The following PARM1 variants were observed in gnomAD, a reference collection of about 807,000 sequenced individuals.
The protein encoded by PARM1 is prostate androgen-regulated mucin-like protein 1.
A neutral mutation model predicts 24.6 loss-of-function variants in PARM1; 14 were observed. The observed-to-expected ratio is 0.57, with a 90% CI of 0.38 to 0.89. The LOEUF is 0.89. Among genes scored for constraint, PARM1 ranks in the 40% least tolerant of loss-of-function variants. PARM1 has a pLI of 0.00. For missense variants in PARM1, 362 were observed against 380.4 expected (o/e 0.95, Z 0.40); for synonymous variants, 179 against 156.6 (o/e 1.14, Z -1.07).
intron 2 of PARM1, among the ~76,000 whole-genome samples, chr4:75,032,516 C>T (rs1410106272): frequency 1.3e-5 from 2 of 152,002 alleles, no homozygotes; most frequent in Non-Finnish European, 2.9e-5. Context: ...GATAAATCTC[C>T]AAAAATATGG....
At chr4:75,044,675 CTT>C (rs1723563437) in intron 3 of PARM1, among the ~76,000 whole-genome samples, 1 of 152,076 alleles carries the variant, frequency 6.6e-6, no homozygotes, top group Non-Finnish European at 1.5e-5. Context: ...GGGTTGAAAA[CTT>C]AAATTGAATT....
At chr4:75,013,925 C>G (rs1255317839) in intron 2 of PARM1, among the ~76,000 whole-genome samples, 1 of 152,158 alleles carries the variant, frequency 6.6e-6, no homozygotes, top group African/African-American at 2.4e-5. Context: ...GAAGACTGTA[C>G]AATTTAGGGT....
At chr4:74,974,081 A>T (rs2109767224) in intron 1 of PARM1, among the ~76,000 whole-genome samples, 1 of 152,320 alleles carries the variant, frequency 6.6e-6, no homozygotes, top group East Asian at 1.9e-4. Context: ...GGACCAGAGA[A>T]GATGAGGTGA....
At chr4:74,940,813 G>T (rs970901207) in intron 1 of PARM1, among the ~76,000 whole-genome samples, 1 of 152,096 alleles carries the variant, frequency 6.6e-6, no homozygotes, top group Non-Finnish European at 1.5e-5. Flanking sequence ...AAGATTAAAG[G>T]GTGTCTGTTT....
intron 3 of PARM1, among the ~76,000 whole-genome samples, chr4:75,038,280 A>T (rs571129368): frequency 9.2e-5 from 14 of 152,372 alleles, no homozygotes; most frequent in African/African-American, 3.1e-4. Context: ...TAATAATAAT[A>T]GTACCTAACT....
chr4:75,013,378 A>G (rs1221997834), intron 2 of PARM1, among the ~76,000 whole-genome samples: 1 of 152,268 alleles, frequency 6.6e-6, no homozygotes, highest in Non-Finnish European at 1.5e-5. Context: ...ACAAGTCATA[A>G]TGATGCTACA....
At chr4:74,934,553 TC>T (rs1335614991) in intron 1 of PARM1, among the ~76,000 whole-genome samples, 2 of 152,234 alleles carry the variant, frequency 1.3e-5, no homozygotes, top group African/African-American at 2.4e-5. Context: ...TTAGTGAACG[TC>T]CGTCTGAGAA....
At chr4:75,043,361 A>C (rs1723537648) in intron 3 of PARM1, among the ~76,000 whole-genome samples, 1 of 152,220 alleles carries the variant, frequency 6.6e-6, no homozygotes, top group African/African-American at 2.4e-5. Context: ...GCTATGTGGC[A>C]GGCCTTTTAT....
chr4:75,003,277 G>T (rs1448629721), intron 1 of PARM1, among the ~76,000 whole-genome samples: 1 of 150,590 alleles, frequency 6.6e-6, no homozygotes, highest in South Asian at 2.1e-4. Flanking sequence ...CATCCTAGAA[G>T]CAGTAAGTTT....
At chr4:74,934,241 G>GA (rs763816045) in intron 1 of PARM1, among the ~76,000 whole-genome samples, 21 of 152,090 alleles carry the variant, frequency 1.4e-4, no homozygotes, top group Non-Finnish European at 2.9e-4. Flanking sequence ...ATTTTTTCCA[G>GA]AAAACGTCTC....
chr4:74,943,473 ATGTCTAGTGC>A (rs756271441), intron 1 of PARM1, among the ~76,000 whole-genome samples: 14 of 151,978 alleles, frequency 9.2e-5, no homozygotes, highest in Non-Finnish European at 1.6e-4. Flanking sequence ...TCAGGTGCTT[ATGTCTAGTGC>A]TTCCAAAAAG....
At chr4:74,963,443 T>C (rs916343529) in intron 1 of PARM1, among the ~76,000 whole-genome samples, 1 of 152,224 alleles carries the variant, frequency 6.6e-6, no homozygotes, top group African/African-American at 2.4e-5. Flanking sequence ...AAATATGGTA[T>C]ATACATGCAG....
At chr4:75,039,659 A>C (rs1723441931) in intron 3 of PARM1, among the ~76,000 whole-genome samples, 1 of 152,206 alleles carries the variant, frequency 6.6e-6, no homozygotes, top group Non-Finnish European at 1.5e-5. Context: ...TGCTGGTCCA[A>C]GGATCACACT....
intron 3 of PARM1, among the ~76,000 whole-genome samples, chr4:75,038,436 C>A (rs1723412972): frequency 1.3e-5 from 2 of 152,202 alleles, no homozygotes; most frequent in Non-Finnish European, 1.5e-5. Flanking sequence ...CTGGTAACCA[C>A]CAACACATAG....
At chr4:75,040,188 G>A (rs969478702) in intron 3 of PARM1, among the ~76,000 whole-genome samples, 2 of 152,194 alleles carry the variant, frequency 1.3e-5, no homozygotes, top group Non-Finnish European at 2.9e-5. Context: ...ACCAGGGTTT[G>A]GGGAAGGGGA....
intron 3 of PARM1, among the ~76,000 whole-genome samples, chr4:75,035,602 GC>G (rs1723354681): frequency 6.6e-6 from 1 of 152,060 alleles, no homozygotes; most frequent in South Asian, 2.1e-4. Context: ...TCGCCACCCA[GC>G]CCCACCCAGT....
intron 1 of PARM1, among the ~76,000 whole-genome samples, chr4:74,999,841 G>A (rs989172895): frequency 7.9e-5 from 12 of 152,110 alleles, no homozygotes; most frequent in Admixed American, 5.2e-4. Flanking sequence ...TTCAGCCTCC[G>A]GGAGCCATTC....
chr4:75,000,660 C>T (rs898664264), intron 1 of PARM1, among the ~76,000 whole-genome samples: 3 of 152,184 alleles, frequency 2.0e-5, no homozygotes, highest in Admixed American at 6.5e-5. Flanking sequence ...TCTCATTTCA[C>T]AGAACTGCGG....
chr4:74,960,014 A>G (rs548478372), intron 1 of PARM1, among the ~76,000 whole-genome samples: 31 of 152,364 alleles, frequency 2.0e-4, no homozygotes, highest in African/African-American at 7.5e-4. Context: ...TTCAGCTTGC[A>G]ACATGGCAGC....
Sources: allele counts gnomAD v4.1 joint callset (sites outside exome capture counted in the v4.1 genomes callset), GRCh38; gene constraint gnomAD v4.1.1; transcripts MANE v1.5; gene names NCBI Gene and HGNC (gene_info 2026-07-23, HGNC 2026-07-21).